NAV3: variants seen among roughly 807,000 people sequenced by gnomAD.
NAV3 encodes neuron navigator 3.
A neutral mutation model predicts 244.7 loss-of-function variants in NAV3; 87 were observed. That is an observed-to-expected ratio of 0.36 (90% CI 0.30 to 0.42). The LOEUF is 0.42. Among genes scored for constraint, NAV3 ranks in the 20% least tolerant of loss-of-function variants. The pLI is 1.00. For missense variants in NAV3, 2,663 were observed against 2,893.3 expected, an observed-to-expected ratio of 0.92 and a Z score of 1.83; for synonymous variants, 1,126 against 1,042.2, an observed-to-expected ratio of 1.08 and a Z score of -1.55.
rs571896843 is a variant in NAV3 at position 77,604,023 on chromosome 12, C to T, written c.72+31757C>T. 2.0e-5 allele frequency among the ~76,000 whole-genome samples: 3 copies of T among 152,166 alleles called. No homozygotes were observed. In the South Asian group the frequency reaches 6.2e-4, roughly 32 times the overall value. On this transcript the variant is annotated intron_variant, in intron 2 of 8. Transcript: ENST00000550042. ...CTTGGTTGATATTCTATTTTTATTT[C>T]TGAATCAGAAAGCTGATGTATCAAC...
intron 2 of NAV3, among the ~76,000 whole-genome samples, chr12:77,746,627 T>C (rs1179375243): frequency 6.6e-5 from 10 of 151,998 alleles, no homozygotes; most frequent in Non-Finnish European, 1.5e-4. Flanking sequence ...GAAAGGAGGA[T>C]TGAGGGAATG....
chr12:78,176,343 T>TA, intron 25 of NAV3, 96 bp from the exon 26 acceptor site: 1 of 1,199,874 alleles, frequency 8.3e-7, no homozygotes. Context: ...AATATCTTTT[T>TA]ATCTTAAAAA....
intron 2 of NAV3, among the ~76,000 whole-genome samples, chr12:77,676,725 T>C (rs989858825): frequency 2.6e-5 from 4 of 152,080 alleles, no homozygotes; most frequent in African/African-American, 9.7e-5. Flanking sequence ...AAATACCTAA[T>C]GCATGTGGAG....
intron 2 of NAV3, among the ~76,000 whole-genome samples, chr12:77,605,354 C>G (rs146803433): frequency 2.4e-4 from 36 of 152,158 alleles, no homozygotes; most frequent in African/African-American, 8.4e-4. Context: ...ATATAAGGTC[C>G]TTTGCCCACT....
In NAV3 at chr12:77,771,144, C is replaced by T. The variant is rs1177868489; in HGVS notation, c.73-169175C>T. On this transcript the variant is annotated intron_variant, in intron 2 of 8. Transcript: ENST00000550042. ...TTCTCAAAAGAAGACATTTATGCAG[C>T]CAAAAAACACATGAAAAAATGCTCA... is the stretch of plus-strand genomic sequence containing the variant. Among the ~76,000 whole-genome samples, 3 of 152,246 alleles carry T rather than the reference C, an allele frequency of 2.0e-5. No homozygotes were observed. In the South Asian group the frequency reaches 6.2e-4, roughly 32 times the overall value.
chr12:77,999,312 T>A (rs1377120663), intron 7 of NAV3, among the ~76,000 whole-genome samples: 1 of 152,230 alleles, frequency 6.6e-6, no homozygotes, highest in Non-Finnish European at 1.5e-5. Context: ...TTCAAACTTT[T>A]CTTCAGAGTG....
chr12:77,597,394 G>A (rs1274189311), intron 2 of NAV3, among the ~76,000 whole-genome samples: 1 of 152,024 alleles, frequency 6.6e-6, no homozygotes, highest in Non-Finnish European at 1.5e-5. Context: ...AGTGCAGATG[G>A]CAGGTACTCA....
intron 2 of NAV3, among the ~76,000 whole-genome samples, chr12:77,593,280 CTGTGTGTG>C (rs10538987): frequency 1.3e-5 from 2 of 149,142 alleles, no homozygotes; most frequent in Non-Finnish European, 1.5e-5. Flanking sequence ...GTATGTGTGT[CTGTGTGTG>C]TGTGTGTGTG....
intron 2 of NAV3, among the ~76,000 whole-genome samples, chr12:77,676,186 A>T (rs977133367): frequency 6.6e-6 from 1 of 151,782 alleles, no homozygotes; most frequent in Non-Finnish European, 1.5e-5. Flanking sequence ...TTATCAACCC[A>T]TCATCTAGGT....
intron 2 of NAV3, among the ~76,000 whole-genome samples, chr12:77,721,797 C>T (rs1204448666): frequency 6.6e-6 from 1 of 152,030 alleles, no homozygotes; most frequent in African/African-American, 2.4e-5. Flanking sequence ...TAGAGCAGTT[C>T]GTGGCCCTTA....
intron 11 of NAV3, among the ~76,000 whole-genome samples, chr12:78,051,588 T>A (rs1193740995): frequency 6.6e-6 from 1 of 152,166 alleles, no homozygotes; most frequent in Admixed American, 6.5e-5. Context: ...CCAATTTAAC[T>A]TGAGGGAAAA....
chr12:77,793,978 G>A, intron 2 of NAV3, among the ~76,000 whole-genome samples: 1 of 152,168 alleles, frequency 6.6e-6, no homozygotes, highest in African/African-American at 2.4e-5. Context: ...AGCCTCACCA[G>A]CATCTGTTGT....
At chr12:77,691,232 T>C (rs1874997753) in intron 2 of NAV3, among the ~76,000 whole-genome samples, 1 of 149,750 alleles carries the variant, frequency 6.7e-6, no homozygotes, top group South Asian at 2.1e-4. Context: ...ATTTTTTACA[T>C]ACATTTCTGG....
chr12:77,976,804 G>A (rs1050890152), intron 5 of NAV3, among the ~76,000 whole-genome samples: 3 of 150,042 alleles, frequency 2.0e-5, no homozygotes, highest in Admixed American at 6.7e-5. Context: ...TCAGCCTCCC[G>A]AGTAGCTGGG....
At chr12:77,682,193 ACT>A (rs1367416578) in intron 2 of NAV3, among the ~76,000 whole-genome samples, 5 of 151,642 alleles carry the variant, frequency 3.3e-5, no homozygotes, top group South Asian at 2.1e-4. Context: ...CCACCATTTT[ACT>A]CTCTGTTTCT....
intron 2 of NAV3, among the ~76,000 whole-genome samples, chr12:77,763,482 T>C (rs1304930471): frequency 6.6e-6 from 1 of 152,060 alleles, no homozygotes; most frequent in Non-Finnish European, 1.5e-5. Flanking sequence ...ATCATCATCA[T>C]TGTTAGGATA....
intron 2 of NAV3, among the ~76,000 whole-genome samples, chr12:77,692,759 C>T (rs1378524347): frequency 6.7e-6 from 1 of 150,274 alleles, no homozygotes; most frequent in African/African-American, 2.5e-5. Flanking sequence ...GCAAAAATAC[C>T]TTTTTTAAAA....
intron 12 of NAV3, among the ~76,000 whole-genome samples, chr12:78,076,814 A>C (rs1566099078): frequency 6.6e-6 from 1 of 152,294 alleles, no homozygotes; most frequent in South Asian, 2.1e-4. Context: ...ATAATCCAAA[A>C]TATTGCTACC....
intron 17 of NAV3, among the ~76,000 whole-genome samples, chr12:78,128,362 G>C (rs1306081763): frequency 6.7e-6 from 1 of 150,066 alleles, no homozygotes; most frequent in Non-Finnish European, 1.5e-5. Context: ...GCCCGCCACT[G>C]TCCTCCATTT....
Sources: gnomAD v4.1 joint callset for allele counts (sites outside exome capture counted in the v4.1 genomes callset) on GRCh38, gnomAD v4.1.1 for gene constraint, MANE v1.5 for transcripts, NCBI Gene and HGNC (gene_info 2026-07-23, HGNC 2026-07-21) for gene names.